Variants in TPD52L1 observed in about 807,000 individuals in gnomAD.
TPD52L1 encodes TPD52 like 1.
Under a neutral mutation model 28.7 loss-of-function variants are expected in TPD52L1, and 18 were observed. That is an observed-to-expected ratio of 0.63 (90% CI 0.43 to 0.93). The LOEUF is 0.93. TPD52L1 is among the 40% of genes least tolerant of loss of function. TPD52L1 has a pLI of 0.00. For synonymous variants in TPD52L1, 75 were observed against 88.8 expected, an observed-to-expected ratio of 0.84 and a Z score of 0.88; for missense variants, 203 against 254.8, an observed-to-expected ratio of 0.80 and a Z score of 1.39.
intron 3 of TPD52L1, among the ~76,000 whole-genome samples, chr6:125,245,998 G>A (rs1217772853): frequency 6.6e-6 from 1 of 152,134 alleles, no homozygotes; most frequent in African/African-American, 2.4e-5. Context: ...AAATTCAGTT[G>A]GAAGCTTCTT....
intron 3 of TPD52L1, among the ~76,000 whole-genome samples, chr6:125,235,595 A>G (rs1029819694): frequency 7.9e-5 from 12 of 152,288 alleles, no homozygotes; most frequent in East Asian, 3.9e-4. Flanking sequence ...TTGGAGCCCA[A>G]TGGCCTATTT....
intron 1 of TPD52L1, among the ~76,000 whole-genome samples, chr6:125,202,942 T>C (rs1793886222): frequency 6.6e-6 from 1 of 151,916 alleles, no homozygotes; most frequent in Admixed American, 6.6e-5. Context: ...ATTTTTGTAC[T>C]TTTAGTAGAG....
At chr6:125,168,719 T>C (rs1791079200) in intron 1 of TPD52L1, among the ~76,000 whole-genome samples, 1 of 152,124 alleles carries the variant, frequency 6.6e-6, no homozygotes, top group South Asian at 2.1e-4. Flanking sequence ...GGTTTCACCA[T>C]GTTGGCCAGG....
chr6:125,180,580 ACACACACACACACACT>A (rs1437725656), intron 1 of TPD52L1, among the ~76,000 whole-genome samples: 6 of 151,800 alleles, frequency 4.0e-5, no homozygotes, highest in Non-Finnish European at 5.9e-5. Context: ...ACACACACAC[ACACACACACACACACT>A]CACACACACA....
rs557644226 is a variant in TPD52L1, at chr6:125,238,763, A to G, written c.284+9497A>G. On this transcript the variant is annotated intron_variant, in intron 3 of 6. Coordinates refer to ENST00000534000, the MANE Select transcript of TPD52L1 (RefSeq NM_003287.4). ...AAGCAAGATTTAAAAGCAAGATTTA[A>G]ATGTAGTAGTTTTGGCCTTAAAAAC... 2.0e-5 allele frequency among the ~76,000 whole-genome samples: 3 copies of G among 152,354 alleles called. No individual in the cohort carries two copies. The South Asian group carries it at 6.2e-4, about 32-fold the overall frequency.
chr6:125,199,444 G>A (rs965618483), intron 1 of TPD52L1, among the ~76,000 whole-genome samples: 2 of 152,224 alleles, frequency 1.3e-5, no homozygotes, highest in Admixed American at 6.5e-5. Flanking sequence ...CAACACTTTG[G>A]GAGGCTGCGG....
chr6:125,248,842 A>G (rs928933729), intron 4 of TPD52L1, among the ~76,000 whole-genome samples: 1 of 152,180 alleles, frequency 6.6e-6, no homozygotes, highest in Non-Finnish European at 1.5e-5. Flanking sequence ...AAGGTACCAC[A>G]CATATACACT....
At chr6:125,252,052 C>T (rs1273903091) in intron 4 of TPD52L1, 1 of 1,536,098 alleles carries the variant, frequency 6.5e-7, no homozygotes, top group Non-Finnish European at 8.7e-7. Flanking sequence ...CGCCACAGGG[C>T]TGCGTGTGGG....
chr6:125,181,059 G>C (rs1792164854), intron 1 of TPD52L1, among the ~76,000 whole-genome samples: 1 of 152,148 alleles, frequency 6.6e-6, no homozygotes, highest in South Asian at 2.1e-4. Flanking sequence ...CGAGCCTACA[G>C]TTTGTTTTTC....
At chr6:125,182,928 G>A (rs1356716218) in intron 1 of TPD52L1, among the ~76,000 whole-genome samples, 2 of 152,120 alleles carry the variant, frequency 1.3e-5, no homozygotes, top group Non-Finnish European at 2.9e-5. Flanking sequence ...ACGAATGCAA[G>A]GAATGTTATT....
chr6:125,237,005 C>T (rs1246295948), intron 3 of TPD52L1, among the ~76,000 whole-genome samples: 2 of 152,148 alleles, frequency 1.3e-5, no homozygotes, highest in Non-Finnish European at 2.9e-5. Context: ...TTGATAGCAT[C>T]ACAAAGCAGA....
chr6:125,221,854 T>C (rs1221099465), intron 2 of TPD52L1: 1 of 152,178 alleles, frequency 6.6e-6, no homozygotes, highest in East Asian at 1.9e-4. Context: ...CCAGGATTCA[T>C]GTTTTGCACT....
intron 3 of TPD52L1, among the ~76,000 whole-genome samples, chr6:125,244,702 A>G (rs1018646514): frequency 2.0e-5 from 3 of 152,154 alleles, no homozygotes; most frequent in African/African-American, 7.2e-5. Context: ...GGGAAGCCCA[A>G]CTGTGTCTGC....
At chr6:125,180,500 T>C (rs1792111004) in intron 1 of TPD52L1, among the ~76,000 whole-genome samples, 1 of 152,052 alleles carries the variant, frequency 6.6e-6, no homozygotes, top group Non-Finnish European at 1.5e-5. Flanking sequence ...TATAAGAATT[T>C]GCAAATTAAA....
intron 4 of TPD52L1, among the ~76,000 whole-genome samples, chr6:125,249,593 G>A (rs1797138433): frequency 6.6e-6 from 1 of 150,770 alleles, no homozygotes; most frequent in African/African-American, 2.4e-5. Flanking sequence ...TGAGGAGGCT[G>A]AGGCAGGAGA....
Position 125,252,213 on chromosome 6 carries a change from T to A in TPD52L1, c.387-1504T>A, listed in dbSNP as rs894159280. 4 of 610,366 alleles carry A rather than the reference T, an allele frequency of 6.6e-6. No homozygotes were observed. In the African/African-American group the frequency reaches 7.4e-5, roughly 11 times the overall value. The allele number at this position is 610,366 out of a possible 1,614,324, so 37.8% of individuals were successfully genotyped here. A position where few individuals can be genotyped will look rare whatever the true frequency, so the allele number is the denominator to read the frequency against. Reference sequence around the variant, plus strand: ...AGGGCACTTAATACATTTGAACTTATTGAAGTACATCTCTATCTCATTTCT... The same window carrying A: ...AGGGCACTTAATACATTTGAACTTAATGAAGTACATCTCTATCTCATTTCT... On this transcript the variant is annotated intron_variant, in intron 4 of 6. Coordinates refer to ENST00000534000, the MANE Select transcript of TPD52L1 (RefSeq NM_003287.4).
chr6:125,236,214 G>A (rs963199515), intron 3 of TPD52L1, among the ~76,000 whole-genome samples: 4 of 152,208 alleles, frequency 2.6e-5, no homozygotes, highest in African/African-American at 9.6e-5. Context: ...GAAATAAGGA[G>A]TCCTAAAATC....
At chr6:125,216,671 G>A (rs3799746) in intron 1 of TPD52L1, among the ~76,000 whole-genome samples, 35,618 of 150,934 alleles carry the variant, frequency 0.24, 5,214 homozygotes, top group Admixed American at 0.38. Context: ...TTAATTAATA[G>A]TGGATAATTT....
chr6:125,178,358 C>T (rs1298567460), intron 1 of TPD52L1, among the ~76,000 whole-genome samples: 3 of 152,154 alleles, frequency 2.0e-5, no homozygotes, highest in Admixed American at 6.5e-5. Context: ...TGTGGTGGCT[C>T]ATGCCTGTAA....
Sources: gnomAD v4.1 joint callset for allele counts (sites outside exome capture counted in the v4.1 genomes callset) on GRCh38, gnomAD v4.1.1 for gene constraint, MANE v1.5 for transcripts, NCBI Gene and HGNC (gene_info 2026-07-23, HGNC 2026-07-21) for gene names.